Variants in PCDHA2 observed in about 807,000 individuals in gnomAD.
PCDHA2 encodes protocadherin alpha-2.
PCDHA2 carries 58 observed loss-of-function variants against 66.0 expected under a neutral mutation model. That is an observed-to-expected ratio of 0.88 (90% CI 0.71 to 1.09). The LOEUF is 1.09. Ranked by LOEUF, PCDHA2 falls within the 50% of genes least tolerant of loss-of-function variation. PCDHA2 has a pLI of 0.00. For synonymous variants in PCDHA2, 634 were observed against 554.0 expected (o/e 1.14, Z -2.03); for missense variants, 1,267 against 1,242.3 (o/e 1.02, Z -0.30).
rs2150474836 is a variant in PCDHA2 at position 140,850,234 on chromosome 5, T to C, written c.2388+52882T>C. ...GGCACTGACGGCGCAGTGAGCGAGA[T>C]GGTGCTGCGGTCGGTGGGCGCCGGC... On this transcript the variant is annotated intron_variant, in intron 1 of 3. Transcript: ENST00000526136. The C allele has an allele frequency of 3.1e-6, 5 of 1,593,808 alleles. 1 individual carries two copies. The highest frequency in any genetic ancestry group is 4.3e-6 in the Non-Finnish European group (5 of 1,167,454).
intron 1 of PCDHA2, chr5:140,926,518 C>T (rs1584446348): frequency 4.9e-6 from 1 of 202,636 alleles, no homozygotes; most frequent in Non-Finnish European, 9.8e-6. Context: ...CAGGCTCCGC[C>T]CTGCGCCCGC....
chr5:140,971,386 G>A (rs1413710321), intron 1 of PCDHA2, among the ~76,000 whole-genome samples: 1 of 152,140 alleles, frequency 6.6e-6, no homozygotes, highest in East Asian at 1.9e-4. Flanking sequence ...CTTTAATAAA[G>A]GCAAATTTCT....
At chr5:140,857,475 T>C in intron 1 of PCDHA2, 2 of 1,598,608 alleles carry the variant, frequency 1.3e-6, no homozygotes, top group Non-Finnish European at 1.7e-6. Flanking sequence ...ATCTTCACGG[T>C]GTCTGCGTGG....
At chr5:140,879,555 C>A (rs1278975106) in intron 1 of PCDHA2, among the ~76,000 whole-genome samples, 1 of 152,048 alleles carries the variant, frequency 6.6e-6, no homozygotes, top group African/African-American at 2.4e-5. Flanking sequence ...AAAAATAATC[C>A]ATGAAAGAAT....
chr5:140,822,345 T>C, intron 1 of PCDHA2: 1 of 1,614,154 alleles, frequency 6.2e-7, no homozygotes, highest in Non-Finnish European at 8.5e-7. Flanking sequence ...AAACGAACTT[T>C]TTAGAGCTGG....
intron 1 of PCDHA2, among the ~76,000 whole-genome samples, chr5:140,971,573 CT>C (rs1203027280): frequency 6.6e-6 from 1 of 152,110 alleles, no homozygotes; most frequent in African/African-American, 2.4e-5. Flanking sequence ...GTTGGGCTTT[CT>C]TTTTTTCCTA....
intron 1 of PCDHA2, among the ~76,000 whole-genome samples, chr5:140,895,640 T>G (rs1554186577): frequency 6.6e-6 from 1 of 152,220 alleles, no homozygotes; most frequent in Non-Finnish European, 1.5e-5. Flanking sequence ...ACATTCTTTT[T>G]TAGCTCCCAC....
At chr5:140,964,262 A>C (rs1327933465) in intron 1 of PCDHA2, among the ~76,000 whole-genome samples, 1 of 152,206 alleles carries the variant, frequency 6.6e-6, no homozygotes, top group Non-Finnish European at 1.5e-5. Context: ...TTGACTCCTT[A>C]ATAATTAAGG....
Position 140,947,771 on chromosome 5 carries a change from T to C in PCDHA2, c.2389-31178T>C, listed in dbSNP as rs1167163964. ...TATTTTATGGTTTAAAAAATTCTAT[T>C]GTAAATGGATTTTAAACAGACTTTT... On this transcript the variant is annotated intron_variant, in intron 1 of 3. Transcript: ENST00000526136. 2.6e-5 allele frequency among the ~76,000 whole-genome samples: 4 copies of C among 151,706 alleles called. No individual in the cohort carries two copies. The East Asian group carries it at 5.8e-4, about 22-fold the overall frequency.
At chr5:140,814,251 T>C (rs1765470466) in intron 1 of PCDHA2, 1 of 152,578 alleles carries the variant, frequency 6.6e-6, no homozygotes, top group African/African-American at 2.4e-5. Flanking sequence ...AATGAAGATA[T>C]AAACACCCAT....
At chr5:140,875,596 G>T (rs1554167787) in intron 1 of PCDHA2, 2 of 1,613,938 alleles carry the variant, frequency 1.2e-6, no homozygotes, top group East Asian at 2.2e-5. Context: ...GGCCAAACAC[G>T]GCACCTTCGT....
chr5:140,998,596 C>G (rs1301065712), intron 3 of PCDHA2, among the ~76,000 whole-genome samples: 1 of 148,578 alleles, frequency 6.7e-6, no homozygotes, highest in Non-Finnish European at 1.5e-5. Flanking sequence ...CAGAGTTTTG[C>G]TCTTGTTGCC....
chr5:140,796,391 C>T lies in PCDHA2; in HGVS notation c.1427C>T (p.Thr476Met), dbSNP rs1581619871. ...ENNPPGCHIF[T>M]VSAWDADAQE... ...AACCCGCCGGGCTGCCACATCTTCA[C>T]GGTGTCAGCGTGGGATGCGGACGCG... Residue 476 changes from threonine to methionine, a missense_variant, in exon 1 of 4, where the codon ACG (threonine) becomes ATG (methionine). Coordinates refer to ENST00000526136, the MANE Select transcript of PCDHA2 (RefSeq NM_018905.3). The T allele has an allele frequency of 4.3e-6, 7 of 1,613,720 alleles. No homozygotes were observed. The highest frequency in any genetic ancestry group is 1.3e-5 in the African/African-American group (1 of 74,864).
intron 1 of PCDHA2, chr5:140,884,024 G>A: frequency 6.2e-7 from 1 of 1,613,318 alleles, no homozygotes; most frequent in Non-Finnish European, 8.5e-7. Flanking sequence ...GCGGTCGGTG[G>A]GTGCAGGCCA....
At chr5:140,993,466 A>T (rs1374096077) in intron 3 of PCDHA2, among the ~76,000 whole-genome samples, 2 of 45,548 alleles carry the variant, frequency 4.4e-5, no homozygotes, top group African/African-American at 1.2e-4. Flanking sequence ...TCTTTCTCAC[A>T]CACACACACA....
chr5:140,816,424 C>T (rs1554127056), intron 1 of PCDHA2: 2 of 152,046 alleles, frequency 1.3e-5, no homozygotes, highest in African/African-American at 2.4e-5. Flanking sequence ...GCTCACTGAA[C>T]ATCTTTATGA....
At chr5:140,827,965 T>A in intron 1 of PCDHA2, 1 of 1,335,940 alleles carries the variant, frequency 7.5e-7, no homozygotes, top group Non-Finnish European at 1.0e-6. Flanking sequence ...CTTCTATTAC[T>A]GCATCATTCC....
chr5:140,866,703 G>A (rs553518884), intron 1 of PCDHA2: 1 of 152,106 alleles, frequency 6.6e-6, no homozygotes, highest in East Asian at 1.9e-4. Flanking sequence ...AGTGGATGAC[G>A]TGCACTAGTA....
At position 140,853,837 on chromosome 5, in the gene PCDHA2, T is replaced by C. The variant is rs1554146872; in HGVS notation, c.2388+56485T>C. 17 of 986,750 alleles carry C rather than the reference T, an allele frequency of 1.7e-5. 2 individuals are homozygous for C. The highest frequency in any genetic ancestry group is 1.8e-5 in the Non-Finnish European group (15 of 818,856). The allele number at this position is 986,750 out of a possible 1,614,324, so 61.1% of individuals were successfully genotyped here. A position where few individuals can be genotyped will look rare whatever the true frequency, so the allele number is the denominator to read the frequency against. On this transcript the variant is annotated intron_variant, in intron 1 of 3. Transcript: ENST00000526136. ...GATGATTCTCATACAACCGAAATTT[T>C]AGATCCATAGCCCTATTTGATACTT... is the stretch of plus-strand genomic sequence containing the variant.
Sources: allele counts gnomAD v4.1 joint callset (sites outside exome capture counted in the v4.1 genomes callset), GRCh38; gene constraint gnomAD v4.1.1; transcripts MANE v1.5; gene names NCBI Gene and HGNC (gene_info 2026-07-23, HGNC 2026-07-21).